SYT16: variants seen among roughly 807,000 people sequenced by gnomAD.
SYT16 encodes synaptotagmin 16, also known as synaptotagmin-16.
In SYT16, 42 loss-of-function variants were observed where a neutral mutation model predicts 61.4. That is an observed-to-expected ratio of 0.68 (90% CI 0.53 to 0.89). The LOEUF (loss-of-function observed/expected upper bound fraction) is 0.89. Ranked by LOEUF, SYT16 falls within the 40% of genes least tolerant of loss-of-function variation. The probability of loss-of-function intolerance (pLI) is 0.00; values close to 1 mark genes in which losing one functional copy is unlikely to be tolerated. For missense variants in SYT16, 804 were observed against 807.3 expected, an observed-to-expected ratio of 1.00 and a Z score of 0.05; for synonymous variants, 314 against 302.3, an observed-to-expected ratio of 1.04 and a Z score of -0.40.
intron 1 of SYT16, among the ~76,000 whole-genome samples, chr14:61,870,239 T>C (rs926924048): frequency 5.9e-5 from 9 of 152,220 alleles, no homozygotes; most frequent in Non-Finnish European, 1.3e-4. Context: ...TTGCTAGATA[T>C]AGACTTCTAG....
intron 1 of SYT16, among the ~76,000 whole-genome samples, chr14:61,906,822 C>G (rs1566669735): frequency 6.6e-6 from 1 of 151,998 alleles, no homozygotes; most frequent in Non-Finnish European, 1.5e-5. Context: ...TCCATCCATC[C>G]ATCCATCCCA....
chr14:61,923,691 A>G (rs1182583828), intron 1 of SYT16, among the ~76,000 whole-genome samples: 1 of 152,142 alleles, frequency 6.6e-6, no homozygotes, highest in Non-Finnish European at 1.5e-5. Context: ...GTACAGTGAA[A>G]TGTCTGTGCC....
At chr14:62,043,886 TA>T in intron 3 of SYT16, among the ~76,000 whole-genome samples, 1 of 150,750 alleles carries the variant, frequency 6.6e-6, no homozygotes, top group Non-Finnish European at 1.5e-5. Context: ...TTACTGAGGC[TA>T]GTTTAGAACT....
chr14:62,011,864 A>T lies in SYT16; in HGVS notation c.523+15322A>T, dbSNP rs970661972. Among the ~76,000 whole-genome samples the T allele has an allele frequency of 1.2e-3, 84 of 72,258 alleles. No homozygotes were observed. In the East Asian group the frequency reaches 0.017, roughly 15 times the overall value. 47.4% of individuals were successfully genotyped at this position (72,258 alleles called of 152,430 possible). ...ACACATGTCTACCACAAGTCAGGGAACACTATATATACACACACACACACA... is the reference window on the plus strand; with the variant it reads ...ACACATGTCTACCACAAGTCAGGGATCACTATATATACACACACACACACA... On this transcript the variant is annotated intron_variant, in intron 3 of 7. Transcript: ENST00000683842.
At chr14:61,919,266 A>G (rs2049239856) in intron 1 of SYT16, among the ~76,000 whole-genome samples, 1 of 152,172 alleles carries the variant, frequency 6.6e-6, no homozygotes, top group Admixed American at 6.5e-5. Flanking sequence ...CATGAACGCA[A>G]CAGCCTCCTA....
intron 1 of SYT16, among the ~76,000 whole-genome samples, chr14:61,910,130 A>G (rs1048084474): frequency 4.6e-5 from 7 of 152,218 alleles, no homozygotes; most frequent in Non-Finnish European, 1.0e-4. Context: ...TATCATTGCT[A>G]TCATTCATAT....
chr14:62,045,214 A>G (rs1159153458), intron 3 of SYT16, among the ~76,000 whole-genome samples: 2 of 152,282 alleles, frequency 1.3e-5, no homozygotes, highest in East Asian at 1.9e-4. Flanking sequence ...TACTAGGATC[A>G]TAAGTGAGAT....
chr14:62,090,083 A>G (rs182970658), intron 7 of SYT16, among the ~76,000 whole-genome samples: 7 of 152,350 alleles, frequency 4.6e-5, no homozygotes, highest in Admixed American at 4.6e-4. Context: ...AGTGTTACAG[A>G]TATACTGCTA....
At chr14:61,829,576 C>A (rs1487767760) in intron 1 of SYT16, among the ~76,000 whole-genome samples, 1 of 152,034 alleles carries the variant, frequency 6.6e-6, no homozygotes, top group Non-Finnish European at 1.5e-5. Flanking sequence ...TCCCACAGCT[C>A]CCTGAGTCTT....
chr14:61,897,152 A>T (rs1483893676), intron 1 of SYT16: 1 of 152,224 alleles, frequency 6.6e-6, no homozygotes, highest in Admixed American at 6.5e-5. Flanking sequence ...TTGTTTACGT[A>T]TTGTCTATGG....
intron 2 of SYT16, among the ~76,000 whole-genome samples, chr14:61,979,940 A>C (rs1303406111): frequency 1.3e-5 from 2 of 152,224 alleles, no homozygotes; most frequent in Non-Finnish European, 2.9e-5. Flanking sequence ...TTGCACAGTA[A>C]GTTTTAGAAT....
chr14:62,016,606 G>A (rs898275936), intron 3 of SYT16, among the ~76,000 whole-genome samples: 1 of 151,720 alleles, frequency 6.6e-6, no homozygotes, highest in East Asian at 1.9e-4. Flanking sequence ...CCAACTGCTC[G>A]GGAGGCTGAG....
At chr14:62,071,227 T>C (rs57592097) in intron 4 of SYT16, among the ~76,000 whole-genome samples, 3,952 of 152,274 alleles carry the variant, frequency 0.026, 112 homozygotes, top group African/African-American at 0.074. Context: ...TTTCTCTCCA[T>C]TGAGAGGGCA....
intron 3 of SYT16, among the ~76,000 whole-genome samples, chr14:62,061,275 T>G (rs955917350): frequency 1.3e-5 from 2 of 151,916 alleles, no homozygotes; most frequent in Non-Finnish European, 2.9e-5. Context: ...AATAGACAAA[T>G]TAAAATTGAA....
At chr14:61,879,480 A>G (rs1428778193) in intron 1 of SYT16, among the ~76,000 whole-genome samples, 1 of 152,192 alleles carries the variant, frequency 6.6e-6, no homozygotes, top group African/African-American at 2.4e-5. Flanking sequence ...CTAACATTGC[A>G]TGATCTATGA....
At chr14:61,902,851 A>G (rs889221744) in intron 1 of SYT16, among the ~76,000 whole-genome samples, 7 of 152,234 alleles carry the variant, frequency 4.6e-5, no homozygotes, top group Non-Finnish European at 1.0e-4. Context: ...CAAAGCCATC[A>G]GATCTTGTGA....
intron 3 of SYT16, among the ~76,000 whole-genome samples, chr14:62,009,920 C>T (rs1233199697): frequency 6.6e-6 from 1 of 152,164 alleles, no homozygotes; most frequent in East Asian, 1.9e-4. Context: ...CCCTTTGGTT[C>T]CTCAGTCCTA....
intron 2 of SYT16, among the ~76,000 whole-genome samples, chr14:61,981,879 T>C (rs1381342716): frequency 1.3e-5 from 2 of 152,166 alleles, no homozygotes; most frequent in African/African-American, 4.8e-5. Context: ...TTGGGGCATT[T>C]GAGCTTCCTC....
chr14:61,911,972 G>T (rs949417548), intron 1 of SYT16, among the ~76,000 whole-genome samples: 1 of 152,214 alleles, frequency 6.6e-6, no homozygotes, highest in African/African-American at 2.4e-5. Flanking sequence ...AATGATTATA[G>T]AGGCAGATAA....
Sources: allele counts gnomAD v4.1 joint callset (sites outside exome capture counted in the v4.1 genomes callset), GRCh38; gene constraint gnomAD v4.1.1; transcripts MANE v1.5; gene names NCBI Gene and HGNC (gene_info 2026-07-23, HGNC 2026-07-21).